Variants in STK33 observed in about 807,000 individuals in gnomAD.
STK33 encodes serine/threonine kinase 33.
STK33 carries 52 observed loss-of-function variants against 58.0 expected under a neutral mutation model. The observed-to-expected ratio is 0.90, with a 90% CI of 0.72 to 1.13. The LOEUF (loss-of-function observed/expected upper bound fraction) is 1.13, where lower values mean the gene tolerates loss of function less well. Among genes scored for constraint, STK33 ranks in the 50% most tolerant of loss-of-function variants. STK33 has a pLI of 0.00. For missense variants in STK33, 630 were observed against 604.2 expected (o/e 1.04, Z -0.45); for synonymous variants, 215 against 200.1 (o/e 1.07, Z -0.63).
At chr11:8,448,941 A>G (rs1945888767) in intron 11 of STK33, among the ~76,000 whole-genome samples, 1 of 151,712 alleles carries the variant, frequency 6.6e-6, no homozygotes, top group African/African-American at 2.4e-5. Flanking sequence ...TTACAAGAAA[A>G]AACAAACAAC....
chr11:8,385,779 CT>C, the STK33 span, among the ~76,000 whole-genome samples: 269 of 143,438 alleles, frequency 1.9e-3, no homozygotes, highest in Non-Finnish European at 1.9e-3. Flanking sequence ...AATCCAGTTC[CT>C]TTTTTTTTTT....
At chr11:8,494,310 A>C (rs1319124098) in intron 1 of STK33, among the ~76,000 whole-genome samples, 4 of 152,214 alleles carry the variant, frequency 2.6e-5, no homozygotes, top group Non-Finnish European at 5.9e-5. Flanking sequence ...AATAACAGAC[A>C]AACAGCCAAA....
chr11:8,548,598 T>C (rs1205069959), intron 1 of STK33, among the ~76,000 whole-genome samples: 1 of 152,266 alleles, frequency 6.6e-6, no homozygotes, highest in East Asian at 1.9e-4. Context: ...CAGAGTCTTT[T>C]GTGGGTCCAT....
the STK33 span, among the ~76,000 whole-genome samples, chr11:8,385,453 C>CT: frequency 3.9e-5 from 6 of 152,198 alleles, no homozygotes; most frequent in Admixed American, 6.5e-5. Context: ...CCCCTGTTCC[C>CT]TCTGCCTAAA....
At chr11:8,340,362 T>G in the STK33 span, among the ~76,000 whole-genome samples, 2 of 152,224 alleles carry the variant, frequency 1.3e-5, no homozygotes, top group Non-Finnish European at 2.9e-5. Flanking sequence ...CCTTTGGTTT[T>G]GTTCACCGAT....
intron 1 of STK33, among the ~76,000 whole-genome samples, chr11:8,575,937 C>A (rs1958151239): frequency 6.6e-6 from 1 of 152,036 alleles, no homozygotes; most frequent in South Asian, 2.1e-4. Flanking sequence ...CCTTACAAGT[C>A]TTAACAAGCT....
chr11:8,436,081 T>C lies in STK33; in HGVS notation c.1006A>G (p.Arg336Gly). The C allele has an allele frequency of 6.3e-7, 1 of 1,597,744 alleles. No individual in the cohort carries two copies. Among genetic ancestry groups the C allele is most frequent in the Non-Finnish European group, 8.5e-7 (1 of 1,171,918 alleles). Reference protein sequence around the residue: ...SSEEKLFELIRKGELHFENAV... With the variant: ...SSEEKLFELIGKGELHFENAV... ...TTTTCAAAATGTAGTTCTCCTTTTCTTATTAACTCAAAAAGCTTCTCTTCT... is the reference window on the plus strand; with the variant it reads ...TTTTCAAAATGTAGTTCTCCTTTTCCTATTAACTCAAAAAGCTTCTCTTCT... Residue 336 changes from arginine (R) to glycine (G), a missense_variant, in exon 13 of 16, where the codon AGA becomes GGA. Coordinates refer to ENST00000687296, the MANE Select transcript of STK33 (RefSeq NM_001352389.2).
At chr11:8,524,306 G>T (rs138439103) in intron 1 of STK33, among the ~76,000 whole-genome samples, 1 of 151,226 alleles carries the variant, frequency 6.6e-6, no homozygotes, top group African/African-American at 2.4e-5. Context: ...ACCCAAGAAC[G>T]ATCAATAAAT....
At chr11:8,473,306 A>C (rs1321114742) in intron 5 of STK33, 30 bp from the exon 6 acceptor site, 1 of 1,340,766 alleles carries the variant, frequency 7.5e-7, no homozygotes, top group Non-Finnish European at 1.1e-6. Flanking sequence ...TAAAAAAAAA[A>C]AACTTTAAGA....
At chr11:8,581,805 G>A (rs111912068) in intron 1 of STK33, among the ~76,000 whole-genome samples, 2,323 of 152,234 alleles carry the variant, frequency 0.015, 53 homozygotes, top group African/African-American at 0.051. Flanking sequence ...AACTCTTAGC[G>A]GTTTGCATTT....
At chr11:8,524,403 A>G (rs945129073) in intron 1 of STK33, among the ~76,000 whole-genome samples, 1 of 152,226 alleles carries the variant, frequency 6.6e-6, no homozygotes, top group African/African-American at 2.4e-5. Context: ...AAATTATATA[A>G]GGAACTCTAA....
intron 15 of STK33, among the ~76,000 whole-genome samples, chr11:8,396,604 C>G (rs1849386948): frequency 6.6e-6 from 1 of 152,208 alleles, no homozygotes; most frequent in South Asian, 2.1e-4. Context: ...AGGTTCATCT[C>G]ACTGGGGAGT....
chr11:8,585,385 C>T (rs954634207), intron 1 of STK33, among the ~76,000 whole-genome samples: 1 of 150,792 alleles, frequency 6.6e-6, no homozygotes, highest in Non-Finnish European at 1.5e-5. Context: ...CTACTACACC[C>T]GGCTAATTTT....
At chr11:8,403,093 G>A (rs1055112722) in intron 15 of STK33, among the ~76,000 whole-genome samples, 9 of 152,176 alleles carry the variant, frequency 5.9e-5, no homozygotes, top group African/African-American at 2.2e-4. Flanking sequence ...TCAACACTTA[G>A]TTCTAAGGGG....
chr11:8,401,428 G>T (rs1041653541), intron 15 of STK33, among the ~76,000 whole-genome samples: 8 of 152,166 alleles, frequency 5.3e-5, no homozygotes, highest in African/African-American at 1.9e-4. Context: ...GTAGAAAGCT[G>T]AAACTGGATC....
At chr11:8,501,037 A>C (rs549531251) in intron 1 of STK33, among the ~76,000 whole-genome samples, 1 of 152,210 alleles carries the variant, frequency 6.6e-6, no homozygotes, top group Admixed American at 6.5e-5. Context: ...CATATACAAA[A>C]CTTAACTCAA....
At chr11:8,348,731 G>A in the STK33 span, among the ~76,000 whole-genome samples, 1 of 152,102 alleles carries the variant, frequency 6.6e-6, no homozygotes, top group Admixed American at 6.5e-5. Flanking sequence ...GATTCTTGAT[G>A]TGTCTGTTCC....
At chr11:8,561,499 A>G (rs1328277210) in intron 1 of STK33, among the ~76,000 whole-genome samples, 1 of 152,066 alleles carries the variant, frequency 6.6e-6, no homozygotes, top group East Asian at 1.9e-4. Context: ...TTACTGTTAC[A>G]TACTTATTTG....
At chr11:8,523,248 C>A (rs1374784249) in intron 1 of STK33, among the ~76,000 whole-genome samples, 2 of 151,724 alleles carry the variant, frequency 1.3e-5, no homozygotes, top group Non-Finnish European at 2.9e-5. Context: ...TCTGCCTGGC[C>A]GCCCATCATC....
Sources: allele counts gnomAD v4.1 joint callset (sites outside exome capture counted in the v4.1 genomes callset), GRCh38; gene constraint gnomAD v4.1.1; transcripts MANE v1.5; gene names NCBI Gene and HGNC (gene_info 2026-07-23, HGNC 2026-07-21).